The following ADK variants were observed in gnomAD, a reference collection of about 807,000 sequenced individuals.
The protein encoded by ADK is N6,N6-dimethyladenosine kinase.
Under a neutral mutation model 44.7 loss-of-function variants are expected in ADK, and 24 were observed. The observed-to-expected ratio is 0.54, with a 90% CI of 0.39 to 0.76. The LOEUF (loss-of-function observed/expected upper bound fraction) is 0.76. Among genes scored for constraint, ADK ranks in the 30% least tolerant of loss-of-function variants. The pLI is 0.00. For missense variants in ADK, 321 were observed against 425.1 expected (o/e 0.76, Z 2.15); for synonymous variants, 128 against 142.6 (o/e 0.90, Z 0.73).
At chr10:74,524,032 T>C (rs150213809) in intron 6 of ADK, among the ~76,000 whole-genome samples, 93 of 152,356 alleles carry the variant, frequency 6.1e-4, no homozygotes, top group Non-Finnish European at 1.1e-3. Flanking sequence ...GCCCTTTGTA[T>C]TCTTAACTTC....
chr10:74,670,836 G>C (rs932393919), intron 10 of ADK, among the ~76,000 whole-genome samples: 4 of 51,930 alleles, frequency 7.7e-5, no homozygotes, highest in African/African-American at 3.5e-4. Context: ...CAAAACAATA[G>C]AAGACTTGGC....
chr10:74,196,643 C>T (rs1020922120), intron 1 of ADK, among the ~76,000 whole-genome samples: 1 of 152,132 alleles, frequency 6.6e-6, no homozygotes, highest in Non-Finnish European at 1.5e-5. Context: ...TGACAATTTA[C>T]GTCTGTCCCT....
At chr10:74,493,915 G>T (rs980336435) in intron 6 of ADK, among the ~76,000 whole-genome samples, 27 of 151,788 alleles carry the variant, frequency 1.8e-4, no homozygotes. Context: ...GACAGTTTTT[G>T]GTTATTTAAT....
intron 4 of ADK, among the ~76,000 whole-genome samples, chr10:74,353,935 T>G (rs1014568897): frequency 2.0e-5 from 3 of 152,172 alleles, no homozygotes; most frequent in Non-Finnish European, 4.4e-5. Context: ...AATCATCCTT[T>G]CTGAATTACA....
At chr10:74,631,300 G>T (rs766751921) in intron 9 of ADK, among the ~76,000 whole-genome samples, 1 of 149,938 alleles carries the variant, frequency 6.7e-6, no homozygotes, top group Non-Finnish European at 1.5e-5. Flanking sequence ...TTGAGAAGGA[G>T]TTTCACTCTT....
At chr10:74,306,386 C>G (rs1002815007) in intron 3 of ADK, among the ~76,000 whole-genome samples, 4 of 152,110 alleles carry the variant, frequency 2.6e-5, no homozygotes, top group African/African-American at 9.7e-5. Flanking sequence ...CCCTGGAGCT[C>G]TCCGCCTTGG....
intron 1 of ADK, among the ~76,000 whole-genome samples, chr10:74,187,649 A>G (rs1223640305): frequency 6.6e-6 from 1 of 152,010 alleles, no homozygotes; most frequent in Non-Finnish European, 1.5e-5. Flanking sequence ...ATTTTATGGT[A>G]TTACCTTTTC....
At chr10:74,261,167 A>G (rs565859356) in intron 3 of ADK, among the ~76,000 whole-genome samples, 1 of 152,330 alleles carries the variant, frequency 6.6e-6, no homozygotes, top group East Asian at 1.9e-4. Flanking sequence ...ATAGCACATT[A>G]CATTCATTTG....
intron 6 of ADK, among the ~76,000 whole-genome samples, chr10:74,480,556 G>A (rs1368888670): frequency 6.6e-6 from 1 of 151,890 alleles, no homozygotes; most frequent in Non-Finnish European, 1.5e-5. Flanking sequence ...TAGGATTATA[G>A]GCATGAGCCA....
At chr10:74,155,718 C>T (rs766019084) in intron 1 of ADK, among the ~76,000 whole-genome samples, 39 of 151,824 alleles carry the variant, frequency 2.6e-4, no homozygotes, top group Non-Finnish European at 1.6e-4. Context: ...TTAATAGAGA[C>T]GGGGTTTAGT....
At chr10:74,672,445 C>G (rs911557845) in intron 10 of ADK, among the ~76,000 whole-genome samples, 1 of 152,168 alleles carries the variant, frequency 6.6e-6, no homozygotes, top group Non-Finnish European at 1.5e-5. Context: ...TCATTTCTAG[C>G]ATTTCAAAGC....
intron 6 of ADK, among the ~76,000 whole-genome samples, chr10:74,498,604 C>T (rs1395525237): frequency 6.6e-6 from 1 of 151,972 alleles, no homozygotes; most frequent in South Asian, 2.1e-4. Flanking sequence ...TATACATGTG[C>T]CATATTGGTG....
At chr10:74,598,219 G>C (rs1290431656) in intron 8 of ADK, among the ~76,000 whole-genome samples, 1 of 152,050 alleles carries the variant, frequency 6.6e-6, no homozygotes, top group Non-Finnish European at 1.5e-5. Flanking sequence ...AGAACCTATT[G>C]GGGACAGAGG....
intron 6 of ADK, among the ~76,000 whole-genome samples, chr10:74,437,468 C>T (rs1399174728): frequency 2.0e-5 from 3 of 152,110 alleles, no homozygotes; most frequent in Non-Finnish European, 4.4e-5. Context: ...GTATATGGTA[C>T]CACTGCAGGG....
chr10:74,388,540 A>T (rs181259880), intron 4 of ADK, among the ~76,000 whole-genome samples: 2 of 151,936 alleles, frequency 1.3e-5, no homozygotes, highest in East Asian at 3.9e-4. Flanking sequence ...TTTCCTCAGC[A>T]GTCTTTTGTA....
chr10:74,461,285 A>G (rs1221796731), intron 6 of ADK, among the ~76,000 whole-genome samples: 1 of 152,154 alleles, frequency 6.6e-6, no homozygotes. Context: ...ATCTGATTTT[A>G]TCTGCACATT....
intron 6 of ADK, among the ~76,000 whole-genome samples, chr10:74,467,492 A>G (rs1846404153): frequency 6.6e-6 from 1 of 152,186 alleles, no homozygotes; most frequent in African/African-American, 2.4e-5. Flanking sequence ...ATTAGTACTT[A>G]GAATTCAAAA....
At chr10:74,389,536 C>T (rs1009289689) in intron 4 of ADK, among the ~76,000 whole-genome samples, 1 of 150,504 alleles carries the variant, frequency 6.6e-6, no homozygotes, top group South Asian at 2.1e-4. Flanking sequence ...AACATCTTTA[C>T]TGAGATTATT....
chr10:74,480,816 C>A (rs1438681841), intron 6 of ADK, among the ~76,000 whole-genome samples: 1 of 152,144 alleles, frequency 6.6e-6, no homozygotes, highest in Non-Finnish European at 1.5e-5. Flanking sequence ...TTTACACCAG[C>A]AGCACATCTT....
Sources: gnomAD v4.1 joint callset for allele counts (sites outside exome capture counted in the v4.1 genomes callset) on GRCh38, gnomAD v4.1.1 for gene constraint, MANE v1.5 for transcripts, NCBI Gene and HGNC (gene_info 2026-07-23, HGNC 2026-07-21) for gene names.